KDM4C: variants seen among roughly 807,000 people sequenced by gnomAD.
KDM4C encodes the protein lysine-specific demethylase 4C.
Under a neutral mutation model 129.3 loss-of-function variants are expected in KDM4C, and 81 were observed. The observed-to-expected ratio is 0.63, with a 90% CI of 0.52 to 0.75. KDM4C has a LOEUF of 0.75. Among genes scored for constraint, KDM4C ranks in the 30% least tolerant of loss-of-function variants. The pLI is 0.00. For synonymous variants in KDM4C, 573 were observed against 456.1 expected (o/e 1.26, Z -3.26); for missense variants, 1,457 against 1,304.0 (o/e 1.12, Z -1.81).
intron 5 of KDM4C, among the ~76,000 whole-genome samples, chr9:6,859,144 C>G (rs1032019294): frequency 6.6e-6 from 1 of 152,024 alleles, no homozygotes; most frequent in East Asian, 1.9e-4. Context: ...TAGTGAAGTC[C>G]TTTGATGTTT....
intron 12 of KDM4C, among the ~76,000 whole-genome samples, chr9:7,008,909 C>A (rs1053484646): frequency 5.9e-5 from 9 of 152,150 alleles, no homozygotes; most frequent in African/African-American, 2.2e-4. Context: ...AAGCCAAAGC[C>A]AGTCTACAAA....
chr9:7,130,332 A>T (rs1264057175), intron 19 of KDM4C, among the ~76,000 whole-genome samples: 1 of 152,200 alleles, frequency 6.6e-6, no homozygotes, highest in Non-Finnish European at 1.5e-5. Context: ...GCCTATACAC[A>T]CCATGCCAGT....
In KDM4C at chr9:6,762,684, G is replaced by A. The variant is rs552210645; in HGVS notation, c.-18+4481G>A. ...TGTCTTTTTTTTTTTTTAAGATGGA[G>A]TCTCGCCCTTGTTGCCCAGGCTGGA... On this transcript the variant is annotated intron_variant, in intron 1 of 21. Transcript: ENST00000381309. Among the ~76,000 whole-genome samples the A allele has an allele frequency of 3.5e-3, 511 of 145,412 alleles. 3 individuals are homozygous for A. Among genetic ancestry groups the A allele is most frequent in the Non-Finnish European group, 5.6e-3 (373 of 66,930 alleles).
At chr9:7,003,235 A>G (rs1192291108) in intron 12 of KDM4C, among the ~76,000 whole-genome samples, 3 of 152,206 alleles carry the variant, frequency 2.0e-5, no homozygotes, top group Non-Finnish European at 4.4e-5. Context: ...GTGGACACAT[A>G]TAAATGTCTG....
rs560748801 is a variant in KDM4C at position 7,019,757 on chromosome 9, A to T, written c.2259+3828A>T. Among the ~76,000 whole-genome samples the T allele has an allele frequency of 1.1e-4, 15 of 140,168 alleles. No homozygotes were observed. In the Admixed American group the frequency reaches 1.1e-3, roughly 10 times the overall value. The allele number at this position is 140,168 out of a possible 152,430, so 92.0% of individuals were successfully genotyped here. A position where few individuals can be genotyped will look rare whatever the true frequency, so the allele number is the denominator to read the frequency against. Reference sequence around the variant, plus strand: ...ATATAAAAATATAATATTTTTATATATAAAAATATAATATTTTTATATATA... The same window carrying T: ...ATATAAAAATATAATATTTTTATATTTAAAAATATAATATTTTTATATATA... On this transcript the variant is annotated intron_variant, in intron 15 of 21. Coordinates refer to ENST00000381309, the MANE Select transcript of KDM4C (RefSeq NM_015061.6).
chr9:6,997,457 T>C (rs752428588), intron 12 of KDM4C, among the ~76,000 whole-genome samples: 5 of 152,214 alleles, frequency 3.3e-5, no homozygotes, highest in Non-Finnish European at 4.4e-5. Context: ...AAGGGCAATA[T>C]GATAGAAGAG....
intron 1 of KDM4C, among the ~76,000 whole-genome samples, chr9:6,762,917 C>T (rs181992793): frequency 1.6e-4 from 24 of 151,960 alleles, no homozygotes; most frequent in Non-Finnish European, 3.2e-4. Context: ...CTCACCCTCC[C>T]AAATTACTGG....
intron 5 of KDM4C, among the ~76,000 whole-genome samples, chr9:6,857,799 G>C (rs1175929609): frequency 6.7e-6 from 1 of 149,260 alleles, no homozygotes; most frequent in Non-Finnish European, 1.5e-5. Context: ...CTGTTGCTCA[G>C]ATTGGAGTGC....
chr9:6,953,322 C>T (rs972372566), intron 8 of KDM4C, among the ~76,000 whole-genome samples: 3 of 152,098 alleles, frequency 2.0e-5, no homozygotes, highest in South Asian at 2.1e-4. Flanking sequence ...AAGGCTTTCC[C>T]GCCTTTATTT....
At chr9:6,828,792 A>T (rs895165547) in intron 4 of KDM4C, among the ~76,000 whole-genome samples, 1 of 151,978 alleles carries the variant, frequency 6.6e-6, no homozygotes, top group Admixed American at 6.6e-5. Context: ...AATTGTTTGA[A>T]CCTGGGAGGT....
chr9:6,731,167 G>A (rs1024303377), intron 1 of KDM4C, among the ~76,000 whole-genome samples: 1 of 152,116 alleles, frequency 6.6e-6, no homozygotes, highest in Non-Finnish European at 1.5e-5. Context: ...GCTTTGCAAG[G>A]TGGGAACAAG....
At chr9:7,008,706 CAGT>C (rs1384945404) in intron 12 of KDM4C, among the ~76,000 whole-genome samples, 2 of 152,208 alleles carry the variant, frequency 1.3e-5, no homozygotes, top group Admixed American at 6.5e-5. Flanking sequence ...TGGCCTAACT[CAGT>C]AGACCCAAGC....
intron 12 of KDM4C, among the ~76,000 whole-genome samples, chr9:6,991,167 C>G (rs1056005043): frequency 2.0e-5 from 3 of 152,114 alleles, no homozygotes; most frequent in Admixed American, 6.6e-5. Flanking sequence ...CAGCCTCAAC[C>G]TCCCAGGCCT....
At chr9:6,834,192 C>G (rs1031347771) in intron 4 of KDM4C, among the ~76,000 whole-genome samples, 1 of 152,034 alleles carries the variant, frequency 6.6e-6, no homozygotes, top group Non-Finnish European at 1.5e-5. Context: ...GCGTGCGCCA[C>G]CATGCCCAGT....
intron 8 of KDM4C, among the ~76,000 whole-genome samples, chr9:6,911,236 C>G (rs796518337): frequency 2.6e-5 from 4 of 152,032 alleles, no homozygotes; most frequent in African/African-American, 9.6e-5. Flanking sequence ...GGAAAAAAAC[C>G]TCCAACTTTT....
At chr9:7,019,872 G>A (rs978229405) in intron 15 of KDM4C, among the ~76,000 whole-genome samples, 2 of 150,284 alleles carry the variant, frequency 1.3e-5, no homozygotes, top group South Asian at 2.1e-4. Context: ...TAATTTTTTC[G>A]GCTTCAGCCT....
intron 13 of KDM4C, among the ~76,000 whole-genome samples, chr9:7,012,440 G>A (rs1337311018): frequency 2.0e-5 from 3 of 152,042 alleles, no homozygotes; most frequent in African/African-American, 7.2e-5. Context: ...ACAAATAGTA[G>A]AAGCTTTCAA....
At chr9:6,861,170 A>G (rs964507244) in intron 5 of KDM4C, among the ~76,000 whole-genome samples, 1 of 152,182 alleles carries the variant, frequency 6.6e-6, no homozygotes, top group Admixed American at 6.5e-5. Flanking sequence ...TGTGATTTAT[A>G]TAGCTCTAAT....
intron 8 of KDM4C, among the ~76,000 whole-genome samples, chr9:6,936,426 T>C (rs1254178931): frequency 2.0e-5 from 3 of 152,250 alleles, no homozygotes. Context: ...TATACATTTA[T>C]AGGTAACAAA....
Sources: allele counts gnomAD v4.1 joint callset (sites outside exome capture counted in the v4.1 genomes callset), GRCh38; gene constraint gnomAD v4.1.1; transcripts MANE v1.5; gene names NCBI Gene and HGNC (gene_info 2026-07-23, HGNC 2026-07-21).